DLG5: variants seen among roughly 807,000 people sequenced by gnomAD.
DLG5 encodes the protein discs large MAGUK scaffold protein 5.
DLG5 carries 48 observed loss-of-function variants against 189.8 expected under a neutral mutation model. The ratio of observed to expected loss-of-function variants is 0.25; its 90% CI spans 0.20 to 0.32. The LOEUF is 0.32. Ranked by LOEUF, DLG5 falls within the 10% of genes least tolerant of loss-of-function variation. The pLI, the probability that DLG5 is intolerant of heterozygous loss-of-function variation, is 1.00. For missense variants in DLG5, 2,160 were observed against 2,544.7 expected (o/e 0.85, Z 3.25); for synonymous variants, 1,016 against 1,054.1 (o/e 0.96, Z 0.70).
At chr10:77,903,018 C>G (rs192322885) in intron 1 of DLG5, among the ~76,000 whole-genome samples, 1 of 152,180 alleles carries the variant, frequency 6.6e-6, no homozygotes, top group Non-Finnish European at 1.5e-5. Context: ...CCAAAATGCT[C>G]CAGAATCCCA....
chr10:77,899,876 G>A (rs1180720133), intron 1 of DLG5, among the ~76,000 whole-genome samples: 2 of 152,070 alleles, frequency 1.3e-5, no homozygotes, highest in African/African-American at 4.8e-5. Context: ...TCCTTATCTT[G>A]GACCAGTATC....
At chr10:77,873,639 C>T (rs1844992092) in intron 1 of DLG5, among the ~76,000 whole-genome samples, 1 of 152,134 alleles carries the variant, frequency 6.6e-6, no homozygotes, top group Non-Finnish European at 1.5e-5. Flanking sequence ...TGGAAGCACG[C>T]CCCCAACACA....
chr10:77,877,704 T>A (rs1845143389), intron 1 of DLG5, among the ~76,000 whole-genome samples: 2 of 152,134 alleles, frequency 1.3e-5, no homozygotes, highest in African/African-American at 4.8e-5. Flanking sequence ...AAGACAGTTC[T>A]GCACCTAAAA....
chr10:77,901,368 G>A lies in DLG5; in HGVS notation c.304+24849C>T, dbSNP rs181268263. On this transcript the variant is annotated intron_variant, in intron 1 of 31. Coordinates refer to ENST00000372391, the MANE Select transcript of DLG5 (RefSeq NM_004747.4). ...CGTCAGAGCAGACTTGACCTTTACA[G>A]GGACAACTGGTAAACAGCCCATCTA... 2.0e-5 allele frequency among the ~76,000 whole-genome samples: 3 copies of A among 152,308 alleles called. No individual in the cohort carries two copies. The East Asian group carries it at 5.8e-4, about 29-fold the overall frequency.
At chr10:77,825,374 C>CCCCACACACACACACACA (rs376716808) in intron 13 of DLG5, among the ~76,000 whole-genome samples, 1 of 130,816 alleles carries the variant, frequency 7.6e-6, no homozygotes, top group African/African-American at 2.9e-5. Flanking sequence ...CCACACACAA[C>CCCCACACACACACACACA]CACACACACA....
At position 77,796,103 on chromosome 10, in the gene DLG5, G is replaced by A. The variant is rs567729128; in HGVS notation, c.5394C>T (p.Phe1798=). ...TTATTGACGCCACAGTGGTCACATCGAAATGGCCGCTTCTCCGCTTATAGT... is the reference window on the plus strand; with the variant it reads ...TTATTGACGCCACAGTGGTCACATCAAAATGGCCGCTTCTCCGCTTATAGT... ...FVDYKRRSGH[F]DVTTVASIKE... The change falls in exon 29 of 32, where the codon TTC becomes TTT. Residue 1798 remains phenylalanine, a synonymous_variant. Transcript: ENST00000372391. The surrounding 1 kb of genome is among the most constrained non-coding windows in gnomAD (Gnocchi z 5.2). The A allele has an allele frequency of 3.0e-5, 49 of 1,614,180 alleles. No homozygotes were observed. The highest frequency in any genetic ancestry group is 2.5e-4 in the African/African-American group (19 of 75,042).
At chr10:77,915,328 A>C (rs1034181765) in intron 1 of DLG5, among the ~76,000 whole-genome samples, 1 of 140,424 alleles carries the variant, frequency 7.1e-6, no homozygotes, top group Non-Finnish European at 1.5e-5. Context: ...TGCCGTTTCA[A>C]AAAAAAAAAA....
chr10:77,929,326 G>C (rs1222333497), upstream of DLG5: 1 of 152,184 alleles, frequency 6.6e-6, no homozygotes, highest in Non-Finnish European at 1.5e-5. Context: ...ACAGATGTTA[G>C]TTACCACCCG....
chr10:77,856,157 C>G lies in DLG5; in HGVS notation c.536+573G>C, dbSNP rs115946763. 4.6e-3 allele frequency among the ~76,000 whole-genome samples: 685 copies of G among 150,206 alleles called. 5 individuals carry two copies. The highest frequency in any genetic ancestry group is 0.016 in the African/African-American group (640 of 40,798). On this transcript the variant is annotated intron_variant, in intron 3 of 31. Transcript: ENST00000372391. ...CCTAGAAGCCCAAGACCAGCCTGGG[C>G]AAAAAAGAAAGACCCTGCTGCTACA... is the stretch of plus-strand genomic sequence containing the variant.
intron 7 of DLG5, among the ~76,000 whole-genome samples, chr10:77,838,909 CTGATGGGG>C (rs1337930761): frequency 7.2e-5 from 11 of 152,246 alleles, no homozygotes; most frequent in Non-Finnish European, 1.3e-4. Context: ...GCTCTCAGAG[CTGATGGGG>C]CAGCCGCGGG....
At chr10:77,875,524 G>A (rs1229766697) in intron 1 of DLG5, among the ~76,000 whole-genome samples, 1 of 151,942 alleles carries the variant, frequency 6.6e-6, no homozygotes, top group African/African-American at 2.4e-5. Flanking sequence ...AGGAGCTGTG[G>A]CTTCATGGCC....
At chr10:77,855,698 T>G (rs1023055313) in intron 3 of DLG5, among the ~76,000 whole-genome samples, 2 of 152,120 alleles carry the variant, frequency 1.3e-5, no homozygotes, top group African/African-American at 4.8e-5. Context: ...GAGGGGCATA[T>G]CCTCATGAAT....
At chr10:77,799,961 A>C (rs1244181152) in intron 27 of DLG5, among the ~76,000 whole-genome samples, 1 of 152,128 alleles carries the variant, frequency 6.6e-6, no homozygotes, top group South Asian at 2.1e-4. Context: ...GAGGAAAACC[A>C]GTCCTCCATA....
At chr10:77,902,862 AAAATAAATAAAAAAATAAAT>A (rs1421764341) in intron 1 of DLG5, among the ~76,000 whole-genome samples, 2 of 112,868 alleles carry the variant, frequency 1.8e-5, no homozygotes, top group East Asian at 3.6e-4. Flanking sequence ...TCCATCTCAA[AAAATAAATAAAAAAATAAAT>A]AAATAAATAA....
chr10:77,834,879 A>G (rs938012401), intron 8 of DLG5, among the ~76,000 whole-genome samples: 18 of 152,044 alleles, frequency 1.2e-4, no homozygotes, highest in African/African-American at 2.4e-5. Flanking sequence ...CTCACCACCT[A>G]GCCATCCTCA....
chr10:77,850,497 A>C (rs1040229682), intron 5 of DLG5, among the ~76,000 whole-genome samples: 3 of 152,134 alleles, frequency 2.0e-5, no homozygotes, highest in African/African-American at 7.2e-5. Flanking sequence ...GAATATTCAC[A>C]CCTCAAGTTT....
At chr10:77,884,744 G>A (rs1033480996) in intron 1 of DLG5, among the ~76,000 whole-genome samples, 2 of 152,048 alleles carry the variant, frequency 1.3e-5, no homozygotes, top group African/African-American at 2.4e-5. Context: ...TATCAGAGGC[G>A]CTCTGGGCAG....
the DLG5 span, among the ~76,000 whole-genome samples, chr10:77,936,305 G>A: frequency 6.6e-6 from 1 of 152,084 alleles, no homozygotes; most frequent in African/African-American, 2.4e-5. Context: ...GGGCGTGGTG[G>A]TGCATGCCTG....
intron 3 of DLG5, among the ~76,000 whole-genome samples, chr10:77,855,166 C>T (rs565397023): frequency 7.9e-5 from 12 of 152,300 alleles, no homozygotes; most frequent in African/African-American, 2.4e-4. Flanking sequence ...TTTTTAAAAA[C>T]TCCCCAGGGT....
Sources: allele counts gnomAD v4.1 joint callset (sites outside exome capture counted in the v4.1 genomes callset), GRCh38; gene constraint gnomAD v4.1.1; non-coding constraint Gnocchi (gnomAD v3.1); transcripts MANE v1.5; gene names NCBI Gene and HGNC (gene_info 2026-07-23, HGNC 2026-07-21).